The following PTPRT variants were observed in gnomAD, a reference collection of about 807,000 sequenced individuals.
PTPRT encodes the protein protein tyrosine phosphatase receptor type T, also known as receptor-type tyrosine-protein phosphatase T.
In PTPRT, 56 loss-of-function variants were observed where a neutral mutation model predicts 176.8. That is an observed-to-expected ratio of 0.32 (90% CI 0.26 to 0.40). PTPRT has a LOEUF of 0.40. PTPRT is among the 10% of genes least tolerant of loss of function. The pLI is 1.00. For synonymous variants in PTPRT, 783 were observed against 739.0 expected (o/e 1.06, Z -0.96); for missense variants, 1,540 against 1,908.2 (o/e 0.81, Z 3.60).
At chr20:42,492,312 T>C (rs1255749106) in intron 7 of PTPRT, among the ~76,000 whole-genome samples, 2 of 152,340 alleles carry the variant, frequency 1.3e-5, no homozygotes, top group East Asian at 1.9e-4. Context: ...ACCAGCAACG[T>C]AGGAGAGATC....
At chr20:42,349,091 G>A (rs1217849859) in intron 11 of PTPRT, among the ~76,000 whole-genome samples, 1 of 152,164 alleles carries the variant, frequency 6.6e-6, no homozygotes, top group Non-Finnish European at 1.5e-5. Flanking sequence ...TCTAGATGAA[G>A]CTGGATACAG....
intron 1 of PTPRT, among the ~76,000 whole-genome samples, chr20:43,081,665 G>C (rs554772637): frequency 4.9e-4 from 74 of 152,124 alleles, no homozygotes; most frequent in Non-Finnish European, 9.0e-4. Flanking sequence ...AATATGGTCT[G>C]AATGATATCA....
chr20:42,800,663 T>C (rs2077518056), intron 2 of PTPRT, among the ~76,000 whole-genome samples: 1 of 152,202 alleles, frequency 6.6e-6, no homozygotes, highest in African/African-American at 2.4e-5. Context: ...AACTGTGTCT[T>C]ATATATAGCA....
intron 6 of PTPRT, among the ~76,000 whole-genome samples, chr20:42,705,135 G>T (rs2076033127): frequency 6.6e-6 from 1 of 152,112 alleles, no homozygotes; most frequent in Non-Finnish European, 1.5e-5. Context: ...AACCCGGGAG[G>T]CAGAGGTTGC....
intron 17 of PTPRT, among the ~76,000 whole-genome samples, chr20:42,146,881 A>G (rs889299612): frequency 5.3e-5 from 8 of 152,192 alleles, no homozygotes; most frequent in South Asian, 2.1e-4. Context: ...TTTAAAATTT[A>G]TAAGACTTTT....
intron 7 of PTPRT, among the ~76,000 whole-genome samples, chr20:42,542,770 C>A (rs2072606242): frequency 1.3e-5 from 2 of 152,176 alleles, no homozygotes; most frequent in South Asian, 4.1e-4. Flanking sequence ...GTTAAATCCA[C>A]CAAGTTTCAT....
At chr20:42,350,202 A>G (rs2058255067) in intron 11 of PTPRT, among the ~76,000 whole-genome samples, 1 of 133,510 alleles carries the variant, frequency 7.5e-6, no homozygotes, top group Non-Finnish European at 1.6e-5. Flanking sequence ...GGTCCTGATT[A>G]GGATGTTTCT....
chr20:42,607,771 C>A lies in PTPRT; in HGVS notation c.1153+70095G>T, dbSNP rs531638915. ...GGGCTGGGAGTGCACAGCGGGGGAG[C>A]CTGAATGAGCAGGCAGAGGGACCTG... On this transcript the variant is annotated intron_variant, in intron 7 of 30. Coordinates refer to ENST00000373187, the MANE Select transcript of PTPRT (RefSeq NM_007050.6). Among the ~76,000 whole-genome samples the A allele has an allele frequency of 3.9e-5, 6 of 152,182 alleles. No individual in the cohort carries two copies. In the East Asian group the frequency reaches 9.7e-4, roughly 25 times the overall value.
intron 9 of PTPRT, among the ~76,000 whole-genome samples, chr20:42,380,139 T>A (rs76400579): frequency 6.6e-6 from 1 of 152,182 alleles, no homozygotes; most frequent in Non-Finnish European, 1.5e-5. Context: ...GTCAGAATGC[T>A]ACTGCAGGCT....
At chr20:42,181,986 A>G (rs986385896) in intron 16 of PTPRT, among the ~76,000 whole-genome samples, 2 of 152,196 alleles carry the variant, frequency 1.3e-5, no homozygotes, top group African/African-American at 4.8e-5. Context: ...CCTGAAGGAT[A>G]AAAAGTGGCT....
At chr20:42,820,013 A>C (rs1237524766) in intron 2 of PTPRT, among the ~76,000 whole-genome samples, 1 of 152,216 alleles carries the variant, frequency 6.6e-6, no homozygotes, top group Non-Finnish European at 1.5e-5. Context: ...GATCAATGAG[A>C]CAGAAAATTA....
intron 1 of PTPRT, among the ~76,000 whole-genome samples, chr20:43,085,756 G>A (rs912277414): frequency 2.0e-5 from 3 of 152,078 alleles, no homozygotes; most frequent in African/African-American, 4.8e-5. Flanking sequence ...GTCCTTCCCC[G>A]ACATGTGAGA....
At chr20:42,430,490 T>A (rs374505790) in intron 9 of PTPRT, among the ~76,000 whole-genome samples, 12 of 152,036 alleles carry the variant, frequency 7.9e-5, no homozygotes, top group African/African-American at 2.9e-4. Context: ...CACAGAGAGG[T>A]TCAGCTTGAG....
intron 25 of PTPRT, among the ~76,000 whole-genome samples, chr20:42,104,193 G>T (rs747384705): frequency 2.2e-4 from 33 of 152,206 alleles, no homozygotes; most frequent in Non-Finnish European, 4.3e-4. Flanking sequence ...GTAGGGCCAG[G>T]TGTGGTGGCT....
At chr20:42,042,110 T>C in the PTPRT span, among the ~76,000 whole-genome samples, 2 of 152,190 alleles carry the variant, frequency 1.3e-5, no homozygotes, top group Non-Finnish European at 2.9e-5. Context: ...TTTTCCTCTG[T>C]TCACCCAGGT....
intron 19 of PTPRT, among the ~76,000 whole-genome samples, chr20:42,126,057 A>T (rs1987843581): frequency 6.6e-6 from 1 of 151,840 alleles, no homozygotes; most frequent in Non-Finnish European, 1.5e-5. Flanking sequence ...AAAGAGTGCT[A>T]AACTGGGAGC....
chr20:43,083,320 G>GTATATA (rs779087395), intron 1 of PTPRT, among the ~76,000 whole-genome samples: 25 of 37,348 alleles, frequency 6.7e-4, no homozygotes, highest in Non-Finnish European at 1.2e-3. Context: ...CACTTCAAAT[G>GTATATA]TATATATATA....
chr20:42,855,905 T>C (rs1187028952), intron 2 of PTPRT, among the ~76,000 whole-genome samples: 1 of 152,194 alleles, frequency 6.6e-6, no homozygotes, highest in Non-Finnish European at 1.5e-5. Flanking sequence ...CCTAAATCCC[T>C]TCCCAGAGCC....
At chr20:42,164,208 G>A (rs1989729818) in intron 16 of PTPRT, among the ~76,000 whole-genome samples, 1 of 152,196 alleles carries the variant, frequency 6.6e-6, no homozygotes, top group South Asian at 2.1e-4. Context: ...AGGAACTTGG[G>A]GCATGGGCTG....
Sources: allele counts gnomAD v4.1 joint callset (sites outside exome capture counted in the v4.1 genomes callset), GRCh38; gene constraint gnomAD v4.1.1; transcripts MANE v1.5; gene names NCBI Gene and HGNC (gene_info 2026-07-23, HGNC 2026-07-21).